GPR146: variants seen among roughly 807,000 people sequenced by gnomAD.
GPR146 encodes the protein G-protein coupled receptor 146.
For missense variants in GPR146, 381 were observed against 213.9 expected (o/e 1.78, Z -4.87); for synonymous variants, 203 against 104.3 (o/e 1.95, Z -5.77).
At chr7:1,053,735 G>A (rs953966577) in intron 1 of GPR146, among the ~76,000 whole-genome samples, 1 of 152,226 alleles carries the variant, frequency 6.6e-6, no homozygotes, top group Non-Finnish European at 1.5e-5. Flanking sequence ...GCTGAGGCAG[G>A]AGAATCGCTT....
At chr7:1,048,947 T>A (rs570203473) in intron 1 of GPR146, among the ~76,000 whole-genome samples, 4 of 152,198 alleles carry the variant, frequency 2.6e-5, no homozygotes, top group Non-Finnish European at 5.9e-5. Context: ...CATCGGGAAA[T>A]TCATTGTGTT....
In GPR146 at chr7:1,057,980, G is replaced by A. The variant is rs757382343; in HGVS notation, c.465G>A (p.Ala155=). 1.8e-5 allele frequency: 14 copies of A among 770,638 alleles called. No individual in the cohort carries two copies. Among genetic ancestry groups the A allele is most frequent in the South Asian group, 5.4e-5 (4 of 74,622 alleles). 47.7% of individuals were successfully genotyped at this position (770,638 alleles called of 1,614,324 possible). A position where few individuals can be genotyped will look rare whatever the true frequency, so the allele number is the denominator to read the frequency against. Residue 155 remains alanine (A), a synonymous_variant, in exon 2 of 2, where the codon GCG becomes GCA. Transcript: ENST00000444847. The stretch of plus-strand genomic sequence containing the variant: ...TGTGCGGCTTCGTGTGGGGTGGCGC[G>A]CTGCTGACCAGCTTCTCCTCGCTGC... ...RHVCGFVWGG[A]LLTSFSSLLF...
intron 1 of GPR146, chr7:1,045,413 C>G (rs1172124796): frequency 6.6e-6 from 1 of 152,238 alleles, no homozygotes; most frequent in Non-Finnish European, 1.5e-5. Flanking sequence ...CCTGTCCACA[C>G]GGAACAGCAC....
At chr7:1,054,141 C>G (rs1422007441) in intron 1 of GPR146, among the ~76,000 whole-genome samples, 1 of 152,248 alleles carries the variant, frequency 6.6e-6, no homozygotes, top group African/African-American at 2.4e-5. Context: ...GCAGCCCGCC[C>G]CAGCTGCCTT....
rs536998948 is a variant in GPR146 at position 1,053,031 on chromosome 7, G to A, written c.-24-4461G>A. Among the ~76,000 whole-genome samples, 9 of 152,364 alleles carry A rather than the reference G, an allele frequency of 5.9e-5. No individual in the cohort carries two copies. The South Asian group carries it at 1.9e-3, about 32-fold the overall frequency. ...TTCCCTTGAAGGAAGTCAGCAGAGT[G>A]CATGGCTGACGGGAAAGAAGGCACA... On this transcript the variant is annotated intron_variant, in intron 1 of 1. Coordinates refer to ENST00000444847, the MANE Select transcript of GPR146 (RefSeq NM_001303473.2).
intron 1 of GPR146, among the ~76,000 whole-genome samples, chr7:1,045,027 G>A (rs1782450854): frequency 6.6e-6 from 1 of 152,258 alleles, no homozygotes; most frequent in Non-Finnish European, 1.5e-5. Context: ...TCTGTGATTA[G>A]TATTTTAAAG....
Position 1,046,290 on chromosome 7 carries a change from G to A in GPR146, c.-25+1632G>A, listed in dbSNP as rs146167030. ...TGGCCTTTAATGACCCAACCACAGCGAGGTCTTGCCTTTGCAGAAGGAAAT... is the reference window on the plus strand; with the variant it reads ...TGGCCTTTAATGACCCAACCACAGCAAGGTCTTGCCTTTGCAGAAGGAAAT... On this transcript the variant is annotated intron_variant, in intron 1 of 1. Coordinates refer to ENST00000444847, the MANE Select transcript of GPR146 (RefSeq NM_001303473.2). Among the ~76,000 whole-genome samples, 43 of 152,298 alleles carry A rather than the reference G, an allele frequency of 2.8e-4. No homozygotes were observed. The East Asian group carries it at 6.9e-3, about 25-fold the overall frequency.
At chr7:1,054,551 C>T (rs945007355) in intron 1 of GPR146, among the ~76,000 whole-genome samples, 9 of 152,238 alleles carry the variant, frequency 5.9e-5, no homozygotes, top group Admixed American at 4.6e-4. Context: ...TCCCACTCCA[C>T]GTGACCGCCT....
In GPR146 at chr7:1,057,971, G is replaced by C; in HGVS notation, c.456G>C (p.Trp152Cys). 1 of 771,228 alleles carries C rather than the reference G, an allele frequency of 1.3e-6. No homozygotes were observed. Among genetic ancestry groups the C allele is most frequent in the Non-Finnish European group, 2.4e-6 (1 of 417,976 alleles). The allele number at this position is 771,228 out of a possible 1,614,324, so 47.8% of individuals were successfully genotyped here. ...YNTRHVCGFV[W>C]GGALLTSFSS... Reference sequence around the variant, plus strand: ...CGCGGCACGTGTGCGGCTTCGTGTGGGGTGGCGCGCTGCTGACCAGCTTCT... The same window carrying C: ...CGCGGCACGTGTGCGGCTTCGTGTGCGGTGGCGCGCTGCTGACCAGCTTCT... The change falls in exon 2 of 2, where the codon TGG (tryptophan) becomes TGC (cysteine). Residue 152 changes from tryptophan to cysteine, a missense_variant. Trp to Cys is a radical substitution (Grantham distance 215). Transcript: ENST00000444847.
At chr7:1,044,884 C>T (rs1782434110) in intron 1 of GPR146, among the ~76,000 whole-genome samples, 3 of 152,274 alleles carry the variant, frequency 2.0e-5, no homozygotes, top group African/African-American at 7.2e-5. Flanking sequence ...GGCTTTCGGT[C>T]ATTAACCTGG....
At chr7:1,049,054 C>T (rs1026166033) in intron 1 of GPR146, among the ~76,000 whole-genome samples, 14 of 152,164 alleles carry the variant, frequency 9.2e-5, no homozygotes, top group African/African-American at 2.9e-4. Context: ...TCTGAGCGTG[C>T]GCTCCCCAGG....
At chr7:1,051,071 C>T (rs1406832093) in intron 1 of GPR146, among the ~76,000 whole-genome samples, 1 of 152,190 alleles carries the variant, frequency 6.6e-6, no homozygotes, top group African/African-American at 2.4e-5. Flanking sequence ...AGAGGCCACC[C>T]CTGCGTCGCA....
chr7:1,058,966 G>A lies in GPR146; in HGVS notation c.*449G>A, dbSNP rs964027466. On this transcript the variant is annotated 3_prime_UTR_variant, in exon 2 of 2. Coordinates refer to ENST00000444847, the MANE Select transcript of GPR146 (RefSeq NM_001303473.2). ...ACGAAAGAATGGCAACAGCCAGGGT[G>A]GCCGGGCCCTGCCAGTGGGCGGCGT... 2 of 187,114 alleles carry A rather than the reference G, an allele frequency of 1.1e-5. No individual in the cohort carries two copies. Among genetic ancestry groups the A allele is most frequent in the Admixed American group, 5.4e-5 (1 of 18,466 alleles). 11.6% of individuals were successfully genotyped at this position (187,114 alleles called of 1,614,324 possible).
rs982025340 is a variant in GPR146, at chr7:1,058,480, C to T, written c.965C>T (p.Ser322Phe). ...KKLPCGDRHC[S>F]PDHMGVQQVL... ...CTGCCCTGCGGGGACCGGCACTGCT[C>T]CCCGGACCACATGGGGGTGCAGCAG... The change falls in exon 2 of 2, where the codon TCC becomes TTC. Residue 322 changes from serine (S) to phenylalanine (F), a missense_variant. By Grantham distance (155) the Ser-to-Phe change is radical. Coordinates refer to ENST00000444847, the MANE Select transcript of GPR146 (RefSeq NM_001303473.2). The T allele has an allele frequency of 2.4e-5, 19 of 780,104 alleles. No homozygotes were observed. In the African/African-American group the frequency reaches 2.7e-4, roughly 11 times the overall value. 48.3% of individuals were successfully genotyped at this position (780,104 alleles called of 1,614,324 possible).
chr7:1,047,806 G>A lies in GPR146; in HGVS notation c.-25+3148G>A, dbSNP rs191030692. 2.2e-4 allele frequency among the ~76,000 whole-genome samples: 33 copies of A among 152,302 alleles called. No individual in the cohort carries two copies. The East Asian group carries it at 5.4e-3, about 25-fold the overall frequency. On this transcript the variant is annotated intron_variant, in intron 1 of 1. Transcript: ENST00000444847. ...CAACTGTCCGGGGACAATAAGAAGC[G>A]CTGAGTCCCCATCCTGCCTGCTCTC...
Position 1,058,538 on chromosome 7 carries a change from A to G in GPR146, c.*21A>G. 1 of 766,954 alleles carries G rather than the reference A, an allele frequency of 1.3e-6. No individual in the cohort carries two copies. Among genetic ancestry groups the G allele is most frequent in the Non-Finnish European group, 2.4e-6 (1 of 411,090 alleles). The allele number at this position is 766,954 out of a possible 1,614,324, so 47.5% of individuals were successfully genotyped here. A position where few individuals can be genotyped will look rare whatever the true frequency, so the allele number is the denominator to read the frequency against. ...CGTAGGCGGCCCAGCCCTCCTGGGG[A>G]GACGTGACTCTGGTGGACGCAGAGC... On this transcript the variant is annotated 3_prime_UTR_variant, in exon 2 of 2. Transcript: ENST00000444847.
At position 1,057,745 on chromosome 7, in the gene GPR146, G is replaced by T; in HGVS notation, c.230G>T (p.Ser77Ile). The T allele has an allele frequency of 1.3e-6, 1 of 775,604 alleles. No individual in the cohort carries two copies. The allele number at this position is 775,604 out of a possible 1,614,324, so 48.0% of individuals were successfully genotyped here. ...ATGGCAGTGGCAGGCCTGGTGCTCA[G>T]CGCCCTGGCCCCTGTGCACCTGCTC... Reference protein sequence around the residue: ...VNMAVAGLVLSALAPVHLLGP... With the variant: ...VNMAVAGLVLIALAPVHLLGP... Residue 77 changes from serine (S) to isoleucine (I), a missense_variant, in exon 2 of 2, where the codon AGC (serine) becomes ATC (isoleucine). Coordinates refer to ENST00000444847, the MANE Select transcript of GPR146 (RefSeq NM_001303473.2).
At chr7:1,055,147 C>A (rs1353747775) in intron 1 of GPR146, 2 of 435,164 alleles carry the variant, frequency 4.6e-6, no homozygotes, top group African/African-American at 4.1e-5. Flanking sequence ...AAGAGGCCAG[C>A]TGTGCTCAGT....
chr7:1,048,683 A>T (rs1444263289), intron 1 of GPR146, among the ~76,000 whole-genome samples: 1 of 152,178 alleles, frequency 6.6e-6, no homozygotes, highest in Non-Finnish European at 1.5e-5. Flanking sequence ...AAGACATAGG[A>T]AGAAAGATGC....
Sources: allele counts gnomAD v4.1 joint callset (sites outside exome capture counted in the v4.1 genomes callset), GRCh38; gene constraint gnomAD v4.1.1; transcripts MANE v1.5; gene names NCBI Gene and HGNC (gene_info 2026-07-23, HGNC 2026-07-21).